Variants in KCNQ5 observed in about 807,000 individuals in gnomAD.
KCNQ5 encodes the protein potassium voltage-gated channel subfamily Q member 5.
A neutral mutation model predicts 98.2 loss-of-function variants in KCNQ5; 30 were observed. The observed-to-expected ratio is 0.31, with a 90% CI of 0.23 to 0.41. KCNQ5 has a LOEUF of 0.41. Among genes scored for constraint, KCNQ5 ranks in the 10% least tolerant of loss-of-function variants. KCNQ5 has a pLI of 1.00. For missense variants in KCNQ5, 835 were observed against 1,182.5 expected, an observed-to-expected ratio of 0.71 and a Z score of 4.31; for synonymous variants, 458 against 449.4, an observed-to-expected ratio of 1.02 and a Z score of -0.24.
intron 1 of KCNQ5, among the ~76,000 whole-genome samples, chr6:72,951,254 A>AT (rs1253457356): frequency 1.3e-5 from 2 of 151,532 alleles, no homozygotes; most frequent in East Asian, 3.9e-4. Context: ...GTTGTTGTTG[A>AT]TTTTTTGTTG....
At chr6:72,867,773 TA>T (rs113670630) in intron 1 of KCNQ5, among the ~76,000 whole-genome samples, 3,436 of 143,936 alleles carry the variant, frequency 0.024, 122 homozygotes, top group African/African-American at 0.08. Context: ...CCCCTTCTCT[TA>T]AAAAAAAAAA....
intron 1 of KCNQ5, among the ~76,000 whole-genome samples, chr6:72,695,311 CTAAACTCAATAACATTT>C (rs1230366508): frequency 6.6e-6 from 1 of 152,058 alleles, no homozygotes; most frequent in Non-Finnish European, 1.5e-5. Context: ...TAGTTTTTAC[CTAAACTCAATAACATTT>C]TTATTTCTAT....
intron 9 of KCNQ5, among the ~76,000 whole-genome samples, chr6:73,124,966 TATATATATATATATACACAC>T (rs1295399190): frequency 0.034 from 675 of 20,122 alleles, 22 homozygotes; most frequent in Middle Eastern, 0.13. Context: ...TATATATATA[TATATATATATATATACACAC>T]ACACACATAT....
At chr6:73,175,524 C>T (rs148107945) in intron 11 of KCNQ5, among the ~76,000 whole-genome samples, 1 of 152,286 alleles carries the variant, frequency 6.6e-6, no homozygotes, top group African/African-American at 2.4e-5. Flanking sequence ...CCTCTTTTCT[C>T]CTCAGGGTGA....
intron 1 of KCNQ5, 41 bp from the exon 2 acceptor site, chr6:73,003,867 G>A: frequency 7.7e-7 from 1 of 1,296,266 alleles, no homozygotes; most frequent in Non-Finnish European, 1.1e-6. Flanking sequence ...GTGATAATAA[G>A]GTAAGGTTCT....
intron 3 of KCNQ5, among the ~76,000 whole-genome samples, chr6:73,069,612 A>G (rs1476218292): frequency 6.6e-6 from 1 of 152,052 alleles, no homozygotes; most frequent in African/African-American, 2.4e-5. Flanking sequence ...TAGTATAATC[A>G]TGGGTAATAA....
intron 1 of KCNQ5, among the ~76,000 whole-genome samples, chr6:72,682,372 A>G (rs1340401307): frequency 1.3e-5 from 2 of 152,210 alleles, no homozygotes; most frequent in East Asian, 3.8e-4. Context: ...TGGAAGTGAT[A>G]ATATTCTAAA....
intron 10 of KCNQ5, among the ~76,000 whole-genome samples, chr6:73,165,876 C>T (rs959080774): frequency 2.6e-5 from 4 of 151,312 alleles, no homozygotes; most frequent in Non-Finnish European, 4.4e-5. Context: ...ACCCGGGAGG[C>T]GGAGGTTGCA....
intron 1 of KCNQ5, among the ~76,000 whole-genome samples, chr6:72,824,369 G>T (rs751291299): frequency 2.6e-5 from 4 of 151,926 alleles, no homozygotes; most frequent in African/African-American, 9.7e-5. Flanking sequence ...TTAGAAAATC[G>T]TTGGTTTTAT....
chr6:72,979,247 G>A lies in KCNQ5; in HGVS notation c.399-24661G>A, dbSNP rs565222711. Among the ~76,000 whole-genome samples the A allele has an allele frequency of 1.1e-3, 170 of 152,128 alleles. 1 individual carries two copies. The highest frequency in any genetic ancestry group is 2.2e-3 in the Non-Finnish European group (148 of 68,012). Reference sequence around the variant, plus strand: ...TCTAGTTCTAGATCCTTGTGGAATCGCCACACTGTCTTCCACAATGGTTGA... The same window carrying A: ...TCTAGTTCTAGATCCTTGTGGAATCACCACACTGTCTTCCACAATGGTTGA... On this transcript the variant is annotated intron_variant, in intron 1 of 13. Coordinates refer to ENST00000370398, the MANE Select transcript of KCNQ5 (RefSeq NM_019842.4).
chr6:72,732,967 G>A (rs1378245794), intron 1 of KCNQ5, among the ~76,000 whole-genome samples: 1 of 152,140 alleles, frequency 6.6e-6, no homozygotes, highest in African/African-American at 2.4e-5. Flanking sequence ...TATGTGAAAA[G>A]TATTACTCTT....
intron 1 of KCNQ5, among the ~76,000 whole-genome samples, chr6:72,789,360 G>A (rs1043065535): frequency 7.2e-5 from 11 of 152,174 alleles, no homozygotes; most frequent in Non-Finnish European, 4.4e-5. Flanking sequence ...ATGAAATGAA[G>A]TACAGAGGTG....
intron 11 of KCNQ5, among the ~76,000 whole-genome samples, chr6:73,183,351 T>G (rs1049663819): frequency 2.0e-5 from 3 of 152,158 alleles, no homozygotes; most frequent in African/African-American, 7.2e-5. Flanking sequence ...GGTGGAAAAT[T>G]CTTAGAGTTT....
At chr6:72,786,499 G>A (rs1017223226) in intron 1 of KCNQ5, among the ~76,000 whole-genome samples, 1 of 152,054 alleles carries the variant, frequency 6.6e-6, no homozygotes, top group Admixed American at 6.6e-5. Context: ...ACATCATTTG[G>A]GAATGGGGAA....
chr6:73,101,881 C>T (rs1210868138), intron 5 of KCNQ5, among the ~76,000 whole-genome samples: 1 of 152,072 alleles, frequency 6.6e-6, no homozygotes, highest in Non-Finnish European at 1.5e-5. Context: ...ACATTCTTCA[C>T]ATAAATGGAA....
intron 1 of KCNQ5, among the ~76,000 whole-genome samples, chr6:72,748,252 T>G (rs567873188): frequency 3.3e-5 from 5 of 152,160 alleles, no homozygotes; most frequent in African/African-American, 1.2e-4. Context: ...GAGAAAGAGA[T>G]GGAATCAAGC....
chr6:72,625,825 C>T (rs2098917762), intron 1 of KCNQ5, among the ~76,000 whole-genome samples: 1 of 152,186 alleles, frequency 6.6e-6, no homozygotes, highest in Non-Finnish European at 1.5e-5. Flanking sequence ...TTTTCAAATA[C>T]ATTCCCTTTT....
chr6:73,042,252 T>C, intron 3 of KCNQ5, 190 bp downstream of exon 3: 1 of 628,572 alleles, frequency 1.6e-6, no homozygotes. Context: ...GGTAGATATT[T>C]TTATTATCCC....
chr6:72,738,241 C>T (rs564609021), intron 1 of KCNQ5, among the ~76,000 whole-genome samples: 1 of 152,188 alleles, frequency 6.6e-6, no homozygotes, highest in African/African-American at 2.4e-5. Context: ...GTTGACAAGA[C>T]AGGACTCAAA....
Sources: allele counts gnomAD v4.1 joint callset (sites outside exome capture counted in the v4.1 genomes callset), GRCh38; gene constraint gnomAD v4.1.1; transcripts MANE v1.5; gene names NCBI Gene and HGNC (gene_info 2026-07-23, HGNC 2026-07-21).